The following SCML4 variants were observed in gnomAD, a reference collection of about 807,000 sequenced individuals.
SCML4 encodes sex comb on midleg-like protein 4.
In SCML4, 34 loss-of-function variants were observed where a neutral mutation model predicts 41.1. The observed-to-expected ratio is 0.83, with a 90% CI of 0.63 to 1.10. The LOEUF (loss-of-function observed/expected upper bound fraction) is 1.10. SCML4 is among the 50% of genes least tolerant of loss of function. The pLI is 0.00. For missense variants in SCML4, 522 were observed against 534.1 expected (o/e 0.98, Z 0.22); for synonymous variants, 214 against 220.9 (o/e 0.97, Z 0.28).
At chr6:107,778,369 G>C (rs952737563) in intron 1 of SCML4, among the ~76,000 whole-genome samples, 1 of 150,498 alleles carries the variant, frequency 6.6e-6, no homozygotes, top group Non-Finnish European at 1.5e-5. Flanking sequence ...GTTCAGGTCA[G>C]ATTTGAAAGC....
At chr6:107,752,197 GTT>G (rs1243183399) in intron 2 of SCML4, among the ~76,000 whole-genome samples, 1 of 152,080 alleles carries the variant, frequency 6.6e-6, no homozygotes, top group Non-Finnish European at 1.5e-5. Flanking sequence ...AGGTGGAGTA[GTT>G]TTTTTGTTGT....
chr6:107,798,970 C>T (rs1380449448), intron 1 of SCML4, among the ~76,000 whole-genome samples: 2 of 152,060 alleles, frequency 1.3e-5, no homozygotes, highest in Non-Finnish European at 2.9e-5. Flanking sequence ...TGTATTGAGA[C>T]TTGTTTTATG....
At chr6:107,780,732 TA>T (rs11316650) in intron 1 of SCML4, among the ~76,000 whole-genome samples, 25,913 of 143,016 alleles carry the variant, frequency 0.18, 2,360 homozygotes, top group African/African-American at 0.24. Flanking sequence ...TAATAAAACT[TA>T]AAAAAAAAAA....
At chr6:107,759,345 A>ATACATACC (rs1779385490) in intron 2 of SCML4, among the ~76,000 whole-genome samples, 1 of 151,148 alleles carries the variant, frequency 6.6e-6, no homozygotes, top group Non-Finnish European at 1.5e-5. Flanking sequence ...ACATACATAC[A>ATACATACC]TACATACATA....
At position 107,742,678 on chromosome 6, in the gene SCML4, T is replaced by C. The variant is rs563319914; in HGVS notation, c.682+2271A>G. On this transcript the variant is annotated intron_variant, in intron 5 of 7. Transcript: ENST00000369020. ...ACTGAAAGAAAAAAAATAACTGTTA[T>C]CCAAGACTACTGTATCAAGCAGTTA... 5.9e-5 allele frequency among the ~76,000 whole-genome samples: 9 copies of C among 152,232 alleles called. No homozygotes were observed. The South Asian group carries it at 1.9e-3, about 32-fold the overall frequency.
chr6:107,715,336 A>G (rs908456848), intron 6 of SCML4, among the ~76,000 whole-genome samples: 3 of 147,230 alleles, frequency 2.0e-5, no homozygotes, highest in African/African-American at 7.7e-5. Context: ...ACCTCCTCAC[A>G]TACAATGCTG....
chr6:107,757,722 CAATAAA>C (rs1779229993), intron 2 of SCML4, among the ~76,000 whole-genome samples: 1 of 152,140 alleles, frequency 6.6e-6, no homozygotes, highest in African/African-American at 2.4e-5. Context: ...AGTGAGAACT[CAATAAA>C]AGTTAATTGT....
chr6:107,725,829 C>T (rs1165259759), intron 5 of SCML4, among the ~76,000 whole-genome samples: 1 of 152,142 alleles, frequency 6.6e-6, no homozygotes, highest in Non-Finnish European at 1.5e-5. Flanking sequence ...TGCCTGTAAT[C>T]CCAGCACTCT....
At chr6:107,731,996 C>G (rs1449255011) in intron 5 of SCML4, 1 of 152,302 alleles carries the variant, frequency 6.6e-6, no homozygotes, top group Non-Finnish European at 1.5e-5. Flanking sequence ...GTCTCTGCCA[C>G]CCGGCAGCCT....
chr6:107,724,474 A>G (rs1181471905), intron 5 of SCML4, among the ~76,000 whole-genome samples: 1 of 152,222 alleles, frequency 6.6e-6, no homozygotes, highest in Non-Finnish European at 1.5e-5. Flanking sequence ...AATCAATTGT[A>G]TTTCTACACA....
At chr6:107,782,265 C>T (rs1246426242) in intron 1 of SCML4, among the ~76,000 whole-genome samples, 1 of 152,218 alleles carries the variant, frequency 6.6e-6, no homozygotes, top group Non-Finnish European at 1.5e-5. Flanking sequence ...TCTACGTATT[C>T]TCTGGGGCCC....
chr6:107,703,812 C>T lies in SCML4; in HGVS notation c.*1388G>A, dbSNP rs1773370588. On this transcript the variant is annotated 3_prime_UTR_variant, in exon 8 of 8. Transcript: ENST00000369020. ...AATTCCAAAATCTAATGTTCATCTC[C>T]TCATCTCCAACACTGTTGATGTCCT... Among the ~76,000 whole-genome samples the T allele has an allele frequency of 6.6e-6, 1 of 152,216 alleles. No individual in the cohort carries two copies. Among genetic ancestry groups the T allele is most frequent in the Non-Finnish European group, 1.5e-5 (1 of 68,044 alleles).
chr6:107,835,763 CAAAAA>C, the SCML4 span, among the ~76,000 whole-genome samples: 1 of 86,376 alleles, frequency 1.2e-5, no homozygotes. Context: ...GACCCCATCT[CAAAAA>C]AAAAAAAAAA....
chr6:107,706,639 T>G (rs1773658823), intron 7 of SCML4, among the ~76,000 whole-genome samples: 1 of 152,178 alleles, frequency 6.6e-6, no homozygotes, highest in African/African-American at 2.4e-5. Flanking sequence ...GGGATTAAGC[T>G]TGCTAATCAG....
chr6:107,748,303 G>A (rs1778315192), intron 3 of SCML4, among the ~76,000 whole-genome samples: 1 of 152,182 alleles, frequency 6.6e-6, no homozygotes, highest in African/African-American at 2.4e-5. Flanking sequence ...GAGGCCACTG[G>A]TGCAAAGGAG....
At chr6:107,734,436 T>C (rs1275148334) in intron 5 of SCML4, among the ~76,000 whole-genome samples, 2 of 152,212 alleles carry the variant, frequency 1.3e-5, no homozygotes, top group African/African-American at 2.4e-5. Context: ...GGTTAATAGT[T>C]ATGGAGTAAA....
the SCML4 span, among the ~76,000 whole-genome samples, chr6:107,844,493 T>C: frequency 6.9e-5 from 10 of 144,600 alleles, no homozygotes; most frequent in East Asian, 6.3e-4. Context: ...AGGCCAGGAG[T>C]TGGAGATCAG....
At chr6:107,763,380 G>GTTT (rs373094856) in intron 2 of SCML4, among the ~76,000 whole-genome samples, 5 of 139,208 alleles carry the variant, frequency 3.6e-5, no homozygotes, top group African/African-American at 5.3e-5. Context: ...TCATGTTCTT[G>GTTT]TTTTTTTTTT....
At chr6:107,755,000 A>G (rs1401864321) in intron 2 of SCML4, among the ~76,000 whole-genome samples, 1 of 152,036 alleles carries the variant, frequency 6.6e-6, no homozygotes, top group Non-Finnish European at 1.5e-5. Context: ...GCTACTCAGG[A>G]GGCTGAGGCA....
Sources: allele counts gnomAD v4.1 joint callset (sites outside exome capture counted in the v4.1 genomes callset), GRCh38; gene constraint gnomAD v4.1.1; transcripts MANE v1.5; gene names NCBI Gene and HGNC (gene_info 2026-07-23, HGNC 2026-07-21).